The following COL22A1 variants were observed in gnomAD, a reference collection of about 807,000 sequenced individuals.
COL22A1 encodes the protein collagen type XXII alpha 1 chain, also known as collagen alpha-1(XXII) chain.
In COL22A1, 221 loss-of-function variants were observed where a neutral mutation model predicts 248.9. The ratio of observed to expected loss-of-function variants is 0.89; its 90% CI spans 0.80 to 0.99. The LOEUF is 0.99. COL22A1 is among the 50% of genes least tolerant of loss of function. COL22A1 has a pLI of 0.00. For missense variants in COL22A1, 2,240 were observed against 2,179.0 expected (o/e 1.03, Z -0.56); for synonymous variants, 891 against 793.4 (o/e 1.12, Z -2.07).
intron 50 of COL22A1, among the ~76,000 whole-genome samples, 192 bp downstream of exon 50, chr8:138,630,502 CA>C (rs1431968512): frequency 6.6e-6 from 1 of 152,182 alleles, no homozygotes. Flanking sequence ...TTTACTTTAG[CA>C]GCAAAGTAAA....
chr8:138,644,885 G>A (rs767151486), intron 47 of COL22A1, among the ~76,000 whole-genome samples: 4 of 152,150 alleles, frequency 2.6e-5, no homozygotes, highest in Non-Finnish European at 5.9e-5. Flanking sequence ...TTCCCAGCCT[G>A]TGGGACGGAC....
At chr8:138,858,148 G>T (rs950630214) in intron 3 of COL22A1, among the ~76,000 whole-genome samples, 2 of 152,118 alleles carry the variant, frequency 1.3e-5, no homozygotes, top group African/African-American at 4.8e-5. Flanking sequence ...AAAGCCTTGT[G>T]CTTTACGTGT....
intron 30 of COL22A1, among the ~76,000 whole-genome samples, chr8:138,705,069 G>C (rs973783219): frequency 1.3e-5 from 2 of 152,100 alleles, no homozygotes; most frequent in East Asian, 3.9e-4. Flanking sequence ...AGCAAGAAGA[G>C]AAGTTTAGAG....
At chr8:138,621,438 A>T (rs4581056) in intron 52 of COL22A1, among the ~76,000 whole-genome samples, 1 of 152,138 alleles carries the variant, frequency 6.6e-6, no homozygotes, top group African/African-American at 2.4e-5. Flanking sequence ...TCCCTCACTG[A>T]TTCAGGGGAT....
chr8:138,722,472 C>G (rs950873159), intron 25 of COL22A1, among the ~76,000 whole-genome samples: 14 of 152,196 alleles, frequency 9.2e-5, no homozygotes, highest in African/African-American at 3.1e-4. Context: ...AATCTTTTTG[C>G]CATCTTGTAT....
At chr8:138,619,534 T>A (rs774091734) in intron 52 of COL22A1, 26 bp from the exon 53 acceptor site, 1 of 1,606,938 alleles carries the variant, frequency 6.2e-7, no homozygotes, top group Non-Finnish European at 8.5e-7. Context: ...AAAAGAAGAG[T>A]TTGAGGACAA....
chr8:138,655,992 A>G (rs1823223062), intron 44 of COL22A1, 48 bp from the exon 45 acceptor site: 1 of 1,449,144 alleles, frequency 6.9e-7, no homozygotes, highest in African/African-American at 1.4e-5. Context: ...CATATATACA[A>G]TAAATCCCAG....
intron 7 of COL22A1, among the ~76,000 whole-genome samples, chr8:138,815,742 G>A (rs1035925837): frequency 1.8e-4 from 28 of 152,146 alleles, no homozygotes; most frequent in Non-Finnish European, 2.5e-4. Flanking sequence ...TAAAAGTGCC[G>A]TACAATCGAT....
At position 138,640,761 on chromosome 8, in the gene COL22A1, G is replaced by A. The variant is rs367548820; in HGVS notation, c.3502-3966C>T. 5.9e-5 allele frequency among the ~76,000 whole-genome samples: 9 copies of A among 152,088 alleles called. No individual in the cohort carries two copies. In the East Asian group the frequency reaches 1.5e-3, roughly 26 times the overall value. On this transcript the variant is annotated intron_variant, in intron 47 of 64. Coordinates refer to ENST00000303045, the MANE Select transcript of COL22A1 (RefSeq NM_152888.3). ...GTAAATTCCCCCTTGTTCAGTTCTCGCATTCTCATTATGAGACAGATTGTA... is the reference window on the plus strand; with the variant it reads ...GTAAATTCCCCCTTGTTCAGTTCTCACATTCTCATTATGAGACAGATTGTA...
At chr8:138,718,185 G>T (rs1829592307) in intron 27 of COL22A1, among the ~76,000 whole-genome samples, 1 of 152,068 alleles carries the variant, frequency 6.6e-6, no homozygotes, top group Non-Finnish European at 1.5e-5. Context: ...CTGTAGCGCT[G>T]GTGTCACACA....
intron 26 of COL22A1, 71 bp from the exon 27 acceptor site, chr8:138,720,863 C>T: frequency 2.4e-6 from 3 of 1,275,502 alleles, no homozygotes; most frequent in Admixed American, 1.7e-5. Flanking sequence ...AAGTACTAGG[C>T]ACAGGTTGGA....
At position 138,863,638 on chromosome 8, in the gene COL22A1, G is replaced by A. The variant is rs374200502; in HGVS notation, c.658+14112C>T. Among the ~76,000 whole-genome samples, 15 of 152,278 alleles carry A rather than the reference G, an allele frequency of 9.9e-5. No individual in the cohort carries two copies. In the East Asian group the frequency reaches 2.3e-3, roughly 24 times the overall value. On this transcript the variant is annotated intron_variant, in intron 3 of 64. Coordinates refer to ENST00000303045, the MANE Select transcript of COL22A1 (RefSeq NM_152888.3). ...GGAAGGAGGGGTGAGAACGCAACGC[G>A]GAAGTGGGTGCGGGGAGCCTGCAGG...
chr8:138,832,997 A>G (rs1394764210), intron 5 of COL22A1, 42 bp downstream of exon 5: 3 of 1,375,592 alleles, frequency 2.2e-6, no homozygotes, highest in Non-Finnish European at 2.1e-6. Context: ...GCCCTTTCCC[A>G]TGACACCCTG....
intron 60 of COL22A1, among the ~76,000 whole-genome samples, chr8:138,600,765 C>T (rs1587640843): frequency 6.6e-6 from 1 of 152,314 alleles, no homozygotes; most frequent in East Asian, 1.9e-4. Flanking sequence ...AAAGAAGTCA[C>T]TTCAATTTTC....
chr8:138,649,935 A>G (rs1180361201), intron 45 of COL22A1, among the ~76,000 whole-genome samples, 157 bp from the exon 46 acceptor site: 1 of 152,238 alleles, frequency 6.6e-6, no homozygotes, highest in East Asian at 1.9e-4. Context: ...CTGAGTCATG[A>G]TCTAAATACT....
intron 30 of COL22A1, among the ~76,000 whole-genome samples, chr8:138,714,377 C>T (rs1002881549): frequency 7.9e-5 from 12 of 152,296 alleles, no homozygotes; most frequent in Admixed American, 3.9e-4. Context: ...TCATTGACCT[C>T]ATCCCCTGGA....
In COL22A1 at chr8:138,878,015, TG is replaced by T; in HGVS notation, c.392del (p.Pro131HisfsTer98). The T allele has an allele frequency of 6.3e-7, 1 of 1,588,204 alleles. No individual in the cohort carries two copies. Among genetic ancestry groups the T allele is most frequent in the Admixed American group, 1.8e-5 (1 of 56,430 alleles). ...GGTCCCTGGGGCGGCCGCCGGCGTGTGGGGAGAAGCTGCGGGCCGTGATGTA... is the reference window on the plus strand; with the variant it reads ...GGTCCCTGGGGCGGCCGCCGGCGTGTGGGAGAAGCTGCGGGCCGTGATGTA... ...LRYITARSFSPHAGGRPRDRA... is the reference protein window; with the variant it reads ...LRYITARSFSXHAGGRPRDRA... On this transcript the variant is annotated frameshift_variant, in exon 3 of 65. Transcript: ENST00000303045. LOFTEE classifies it high-confidence loss of function.
intron 45 of COL22A1, 84 bp downstream of exon 45, chr8:138,655,813 A>T (rs1349089962): frequency 8.2e-7 from 1 of 1,213,390 alleles, no homozygotes; most frequent in Non-Finnish European, 1.2e-6. Context: ...TAGTTGTTCA[A>T]AAAAAACCCC....
chr8:138,606,871 G>T (rs1204598098), intron 57 of COL22A1, among the ~76,000 whole-genome samples: 2 of 152,098 alleles, frequency 1.3e-5, no homozygotes, highest in Non-Finnish European at 2.9e-5. Flanking sequence ...ACTTTTCTGG[G>T]GAGCCATCAT....
Sources: gnomAD v4.1 joint callset for allele counts (sites outside exome capture counted in the v4.1 genomes callset) on GRCh38, gnomAD v4.1.1 for gene constraint, MANE v1.5 for transcripts, NCBI Gene and HGNC (gene_info 2026-07-23, HGNC 2026-07-21) for gene names.